Variants in CNTLN observed in about 807,000 individuals in gnomAD.
CNTLN encodes centlein, also known as centlein, centrosomal protein.
In CNTLN, 212 loss-of-function variants were observed where a neutral mutation model predicts 180.0. That is an observed-to-expected ratio of 1.18 (90% CI 1.05 to 1.32). The LOEUF is 1.32. CNTLN is among the 40% of genes most tolerant of loss of function. The pLI is 0.00. For missense variants in CNTLN, 2,095 were observed against 1,610.9 expected (o/e 1.30, Z -5.14); for synonymous variants, 722 against 563.1 (o/e 1.28, Z -3.99).
chr9:17,223,324 G>A (rs973819435), intron 2 of CNTLN, among the ~76,000 whole-genome samples: 3 of 152,008 alleles, frequency 2.0e-5, no homozygotes, highest in Non-Finnish European at 2.9e-5. Flanking sequence ...GTATTTGGAT[G>A]ACTCCTAAAG....
chr9:17,525,466 G>T, the CNTLN span, among the ~76,000 whole-genome samples: 2 of 152,182 alleles, frequency 1.3e-5, no homozygotes, highest in East Asian at 3.9e-4. Context: ...TTAAAAACTG[G>T]TTTACCATAT....
chr9:17,350,046 A>G (rs1028853665), intron 12 of CNTLN, among the ~76,000 whole-genome samples: 4 of 152,222 alleles, frequency 2.6e-5, no homozygotes, highest in Non-Finnish European at 5.9e-5. Context: ...TGCCTTACCA[A>G]TGCTAAATTA....
intron 25 of CNTLN, among the ~76,000 whole-genome samples, chr9:17,499,596 AG>A (rs1833639132): frequency 6.6e-6 from 1 of 152,218 alleles, no homozygotes; most frequent in African/African-American, 2.4e-5. Context: ...TTTGTAAAGC[AG>A]GAAGGCACAG....
chr9:17,271,035 C>T (rs1170332734), intron 5 of CNTLN, among the ~76,000 whole-genome samples: 1 of 145,808 alleles, frequency 6.9e-6, no homozygotes, highest in Non-Finnish European at 1.5e-5. Context: ...ACTGCAATCT[C>T]AGCCTTCCGG....
At chr9:17,291,328 G>T (rs1312801773) in intron 6 of CNTLN, among the ~76,000 whole-genome samples, 2 of 152,214 alleles carry the variant, frequency 1.3e-5, no homozygotes, top group East Asian at 3.9e-4. Flanking sequence ...AGGTCCACTT[G>T]ATCCAGAGCT....
chr9:17,421,885 C>T (rs1421917405), intron 18 of CNTLN, among the ~76,000 whole-genome samples: 1 of 152,132 alleles, frequency 6.6e-6, no homozygotes, highest in East Asian at 1.9e-4. Context: ...TTGATCCAAT[C>T]CCCACTTTTA....
intron 23 of CNTLN, among the ~76,000 whole-genome samples, chr9:17,477,031 A>G (rs558978004): frequency 4.3e-4 from 66 of 152,264 alleles, no homozygotes; most frequent in Admixed American, 2.1e-3. Context: ...GCCGATGCTC[A>G]TTTCACATTC....
chr9:17,211,215 C>T (rs1309913521), intron 2 of CNTLN, among the ~76,000 whole-genome samples: 2 of 152,146 alleles, frequency 1.3e-5, no homozygotes, highest in Non-Finnish European at 2.9e-5. Flanking sequence ...TTTAATCCCT[C>T]TTGAATTAAT....
chr9:17,333,991 G>A lies in CNTLN; in HGVS notation c.1644+1261G>A, dbSNP rs1587687088. On this transcript the variant is annotated intron_variant, in intron 10 of 25. Transcript: ENST00000380647. ...GTTAACTCTTGTGTTAATTGTAAATGTGTGGTTAGGCACAGGATATTATGG... is the reference window on the plus strand; with the variant it reads ...GTTAACTCTTGTGTTAATTGTAAATATGTGGTTAGGCACAGGATATTATGG... Among the ~76,000 whole-genome samples the A allele has an allele frequency of 2.0e-5, 3 of 152,166 alleles. No homozygotes were observed. The East Asian group carries it at 5.8e-4, about 29-fold the overall frequency.
At chr9:17,194,845 G>T (rs1257041703) in intron 2 of CNTLN, among the ~76,000 whole-genome samples, 1 of 152,166 alleles carries the variant, frequency 6.6e-6, no homozygotes, top group Non-Finnish European at 1.5e-5. Context: ...AGTTTTACAT[G>T]GCTGGGGAGG....
intron 18 of CNTLN, among the ~76,000 whole-genome samples, chr9:17,452,763 T>C (rs1307190760): frequency 6.6e-6 from 1 of 152,092 alleles, no homozygotes; most frequent in Non-Finnish European, 1.5e-5. Flanking sequence ...AAATGTCAAG[T>C]TGGGGCCACG....
intron 12 of CNTLN, among the ~76,000 whole-genome samples, chr9:17,354,257 C>T (rs1276763519): frequency 6.6e-6 from 1 of 152,166 alleles, no homozygotes; most frequent in African/African-American, 2.4e-5. Context: ...GCCTCCCCGA[C>T]GAGCACCACC....
chr9:17,374,718 G>C (rs987735200), intron 13 of CNTLN, among the ~76,000 whole-genome samples: 1 of 152,044 alleles, frequency 6.6e-6, no homozygotes, highest in Admixed American at 6.6e-5. Context: ...AATGAGAGGG[G>C]TGTGGTGGCA....
chr9:17,508,613 A>G (rs59124736), downstream of CNTLN, among the ~76,000 whole-genome samples: 20,605 of 152,198 alleles, frequency 0.14, 4,052 homozygotes, highest in African/African-American at 0.44. Context: ...CGACCTGTTC[A>G]TCATCACTAT....
the CNTLN span, among the ~76,000 whole-genome samples, chr9:17,523,407 T>C: frequency 6.6e-6 from 1 of 151,998 alleles, no homozygotes; most frequent in Non-Finnish European, 1.5e-5. Flanking sequence ...TGTCTAATTT[T>C]TGTATTTTTA....
chr9:17,222,463 G>C (rs1401727458), intron 2 of CNTLN, among the ~76,000 whole-genome samples: 1 of 151,982 alleles, frequency 6.6e-6, no homozygotes, highest in African/African-American at 2.4e-5. Flanking sequence ...TACTGTTCTC[G>C]TGGTAGTGAA....
chr9:17,202,008 G>A (rs569783887), intron 2 of CNTLN, among the ~76,000 whole-genome samples: 4 of 152,230 alleles, frequency 2.6e-5, no homozygotes, highest in East Asian at 1.9e-4. Context: ...TGCTTTAGAC[G>A]TGTCCAGAAA....
intron 18 of CNTLN, among the ~76,000 whole-genome samples, chr9:17,431,208 G>C (rs1469480130): frequency 1.3e-5 from 2 of 152,022 alleles, no homozygotes; most frequent in African/African-American, 4.8e-5. Context: ...GTCCTCACTA[G>C]CATCTGTTAA....
At chr9:17,178,736 G>A (rs1030669942) in intron 2 of CNTLN, among the ~76,000 whole-genome samples, 8 of 151,980 alleles carry the variant, frequency 5.3e-5, no homozygotes, top group African/African-American at 9.7e-5. Flanking sequence ...CAAGGGTTGC[G>A]GGCAGCCCCA....
Sources: allele counts gnomAD v4.1 joint callset (sites outside exome capture counted in the v4.1 genomes callset), GRCh38; gene constraint gnomAD v4.1.1; transcripts MANE v1.5; gene names NCBI Gene and HGNC (gene_info 2026-07-23, HGNC 2026-07-21).